Variants in SF3A1 observed in about 807,000 individuals in gnomAD.
SF3A1 encodes the protein splicing factor 3a subunit 1.
SF3A1 carries 13 observed loss-of-function variants against 89.9 expected under a neutral mutation model. That is an observed-to-expected ratio of 0.14 (90% CI 0.09 to 0.23). SF3A1 has a LOEUF of 0.23. SF3A1 is among the 10% of genes least tolerant of loss of function. SF3A1 has a pLI of 1.00. For synonymous variants in SF3A1, 405 were observed against 374.4 expected, an observed-to-expected ratio of 1.08 and a Z score of -0.94; for missense variants, 604 against 1,022.1, an observed-to-expected ratio of 0.59 and a Z score of 5.58.
At chr22:30,346,713 C>T (rs375516900) in intron 2 of SF3A1, among the ~76,000 whole-genome samples, 194 bp from the exon 3 acceptor site, 2 of 152,268 alleles carry the variant, frequency 1.3e-5, no homozygotes, top group African/African-American at 4.8e-5. Context: ...AACCAGGCCA[C>T]CTCTGCCACA....
rs1422046450 is a variant in SF3A1 at position 30,356,858 on chromosome 22, T to TCC, written c.-68_-67dup. ...TGAGCGGTGCCGCCTCAAGACAGCC[T>TCC]CCCCGCTCGGTCAGTACGACGAGCT... On this transcript the variant is annotated 5_prime_UTR_variant, in exon 1 of 16. Coordinates refer to ENST00000215793, the MANE Select transcript of SF3A1 (RefSeq NM_005877.6). 9.6e-6 allele frequency: 12 copies of TCC among 1,243,850 alleles called. No individual in the cohort carries two copies. In the Admixed American group the frequency reaches 5.0e-4, roughly 51 times the overall value. The allele number at this position is 1,243,850 out of a possible 1,614,324, so 77.1% of individuals were successfully genotyped here.
Position 30,346,294 on chromosome 22 carries a change from G to A in SF3A1, c.393+18C>T, listed in dbSNP as rs2145814601. 1 of 1,519,944 alleles carries A rather than the reference G, an allele frequency of 6.6e-7. No individual in the cohort carries two copies. Among genetic ancestry groups the A allele is most frequent in the Non-Finnish European group, 9.1e-7 (1 of 1,094,816 alleles). 94.2% of individuals were successfully genotyped at this position (1,519,944 alleles called of 1,614,324 possible). A position where few individuals can be genotyped will look rare whatever the true frequency, so the allele number is the denominator to read the frequency against. Reference sequence around the variant, plus strand: ...CTCTCAAGCCCTGCGTAAGTGAAGGGGGCACTGGGCTCCAAACCTTCTGGG... The same window carrying A: ...CTCTCAAGCCCTGCGTAAGTGAAGGAGGCACTGGGCTCCAAACCTTCTGGG... On this transcript the variant is annotated intron_variant, in intron 3 of 15. Transcript: ENST00000215793.
intron 11 of SF3A1, among the ~76,000 whole-genome samples, chr22:30,338,316 G>A (rs1010118348): frequency 1.3e-5 from 2 of 152,034 alleles, no homozygotes; most frequent in Non-Finnish European, 2.9e-5. Context: ...AAATTAGCTG[G>A]GCATGGTGGC....
rs1931386616 is a variant in SF3A1 at position 30,345,278 on chromosome 22, C to T, written c.394-88G>A. 5 of 1,281,422 alleles carry T rather than the reference C, an allele frequency of 3.9e-6. No individual in the cohort carries two copies. The Admixed American group carries it at 8.2e-5, about 21-fold the overall frequency. 79.4% of individuals were successfully genotyped at this position (1,281,422 alleles called of 1,614,324 possible). ...GGGGAGGGGACATGGGCATGCACCCCTCAGCAGGATGCTGTGAACCTCTAG... is the reference window on the plus strand; with the variant it reads ...GGGGAGGGGACATGGGCATGCACCCTTCAGCAGGATGCTGTGAACCTCTAG... On this transcript the variant is annotated intron_variant, in intron 3 of 15. Transcript: ENST00000215793.
At position 30,345,083 on chromosome 22, in the gene SF3A1, C is replaced by T. The variant is rs745578341; in HGVS notation, c.501G>A (p.Val167=). 1.9e-6 allele frequency: 3 copies of T among 1,614,134 alleles called. No individual in the cohort carries two copies. The highest frequency in any genetic ancestry group is 2.5e-6 in the Non-Finnish European group (3 of 1,180,058). Residue 167 remains valine (V), a synonymous_variant, in exon 4 of 16, where the codon GTG becomes GTA. Coordinates refer to ENST00000215793, the MANE Select transcript of SF3A1 (RefSeq NM_005877.6). ...PSISAFDLDV[V]KLTAQFVARN... is the part of the protein sequence containing the mutation. ...TGGCCACAAACTGAGCCGTCAGCTT[C>T]ACCACATCCAAGTCGAAGGCTGAGA...
chr22:30,352,076 G>C (rs1479224663), intron 2 of SF3A1, among the ~76,000 whole-genome samples: 1 of 152,012 alleles, frequency 6.6e-6, no homozygotes, highest in Non-Finnish European at 1.5e-5. Flanking sequence ...GGGAGAGACA[G>C]GAGGAACCCG....
chr22:30,340,348 T>G lies in SF3A1; in HGVS notation c.1223A>C (p.Asp408Ala). ...AGTAATGGGGGACACAAGATACTCATCTGGAGCAGGGGCTGGAGGCAAGGG... is the reference window on the plus strand; with the variant it reads ...AGTAATGGGGGACACAAGATACTCAGCTGGAGCAGGGGCTGGAGGCAAGGG... ...SKPLPPAPAP[D>A]EYLVSPITGE... The change falls in exon 9 of 16, where the codon GAT (aspartate) becomes GCT (alanine). Residue 408 changes from aspartate to alanine, a missense_variant. Physicochemically the swap from Asp to Ala is moderately radical, Grantham distance 126. This residue lies in a region of SF3A1 where 146 missense variants were observed against 228.5 expected (regional missense o/e 0.64). Transcript: ENST00000215793. 1.2e-6 allele frequency: 2 copies of G among 1,611,818 alleles called. No homozygotes were observed. Among genetic ancestry groups the G allele is most frequent in the Non-Finnish European group, 1.7e-6 (2 of 1,179,482 alleles).
intron 8 of SF3A1, 32 bp downstream of exon 8, chr22:30,340,663 A>G (rs771301732): frequency 2.2e-6 from 3 of 1,366,616 alleles, no homozygotes; most frequent in Non-Finnish European, 3.1e-6. Flanking sequence ...CTTCCTGGGC[A>G]GCCCGAGGGT....
chr22:30,344,909 C>G (rs1339488022), intron 4 of SF3A1, 24 bp downstream of exon 4: 3 of 1,609,380 alleles, frequency 1.9e-6, no homozygotes, highest in East Asian at 2.2e-5. Flanking sequence ...GGCCCAGGAC[C>G]CCAGCCCCAT....
At chr22:30,352,835 T>C in intron 2 of SF3A1, 116 bp downstream of exon 2, 1 of 1,335,226 alleles carries the variant, frequency 7.5e-7, no homozygotes, top group Non-Finnish European at 1.0e-6. Flanking sequence ...TTGTGGTTTT[T>C]TATGAACTAA....
chr22:30,355,815 T>TCCCCCCCCCCCCCCCCCCCC (rs11451197), intron 1 of SF3A1, among the ~76,000 whole-genome samples: 1 of 92,280 alleles, frequency 1.1e-5, no homozygotes, highest in Non-Finnish European at 2.1e-5. Context: ...TCAGTCATGT[T>TCCCCCCCCCCCCCCCCCCCC]CCCCCCCCCC....
intron 2 of SF3A1, among the ~76,000 whole-genome samples, chr22:30,349,715 G>A (rs1931530053): frequency 6.7e-6 from 1 of 149,236 alleles, no homozygotes; most frequent in Non-Finnish European, 1.5e-5. Flanking sequence ...GCCCCAGGCT[G>A]GAGTACGCTG....
chr22:30,334,630 G>A lies in SF3A1; in HGVS notation c.2346C>T (p.His782=), dbSNP rs758780564. 3.2e-6 allele frequency: 5 copies of A among 1,582,236 alleles called. No homozygotes were observed. The highest frequency in any genetic ancestry group is 3.8e-5 in the Admixed American group (2 of 51,966). Residue 782 remains histidine, a synonymous_variant, in exon 16 of 16, where the codon CAC becomes CAT. Coordinates refer to ENST00000215793, the MANE Select transcript of SF3A1 (RefSeq NM_005877.6). ...TCCCGCCTCTCTCCTTGAGGGCCAG[G>A]TGGATGACTGCGCCATTGGCCATGT... ...YYNMANGAVI[H]LALKERGGRK...
Position 30,332,194 on chromosome 22 carries a change from T to C in SF3A1, c.*2400A>G, listed in dbSNP as rs1278252962. 6.6e-6 allele frequency: 1 copy of C among 152,214 alleles called. No homozygotes were observed. The highest frequency in any genetic ancestry group is 2.4e-5 in the African/African-American group (1 of 41,442). 9.4% of individuals were successfully genotyped at this position (152,214 alleles called of 1,614,324 possible). ...TATAACCATTTAATATATTCTCTAA[T>C]ACAATATTATTAATTTTAAAGTAAA... is the stretch of plus-strand genomic sequence containing the variant. On this transcript the variant is annotated 3_prime_UTR_variant, in exon 16 of 16. Transcript: ENST00000215793.
chr22:30,335,780 C>A, intron 13 of SF3A1, 27 bp from the exon 14 acceptor site: 3 of 1,581,058 alleles, frequency 1.9e-6, no homozygotes, highest in East Asian at 2.2e-5. Context: ...GGTCATTATG[C>A]CTAGGGAGCT....
intron 2 of SF3A1, among the ~76,000 whole-genome samples, chr22:30,348,270 C>A (rs1039199311): frequency 6.6e-6 from 1 of 152,220 alleles, no homozygotes; most frequent in Non-Finnish European, 1.5e-5. Context: ...CCCAAACACA[C>A]CAAGGCATGG....
At chr22:30,336,658 G>A (rs1348419192) in intron 13 of SF3A1, among the ~76,000 whole-genome samples, 2 of 152,158 alleles carry the variant, frequency 1.3e-5, no homozygotes, top group South Asian at 2.1e-4. Context: ...TGGGGAGGAA[G>A]GCCACAGTAA....
chr22:30,345,137 C>T lies in SF3A1; in HGVS notation c.447G>A (p.Glu149=), dbSNP rs200601560. 2.0e-4 allele frequency: 329 copies of T among 1,614,180 alleles called. No individual in the cohort carries two copies. The South Asian group carries it at 3.1e-3, about 15-fold the overall frequency. Reference sequence around the variant, plus strand: ...AGGGAGGATCAGCAATGAACTCAAACTCAGGAGGAGGCTCTTTGGGCACGA... The same window carrying T: ...AGGGAGGATCAGCAATGAACTCAAATTCAGGAGGAGGCTCTTTGGGCACGA... The part of the protein sequence containing the change: ...ETIVPKEPPP[E]FEFIADPPSI... The change falls in exon 4 of 16, where the codon GAG becomes GAA. Residue 149 remains glutamate (E), a synonymous_variant. Coordinates refer to ENST00000215793, the MANE Select transcript of SF3A1 (RefSeq NM_005877.6).
chr22:30,346,530 A>T lies in SF3A1; in HGVS notation c.186-11T>A, dbSNP rs369901235. 1.0e-4 allele frequency: 165 copies of T among 1,613,722 alleles called. No individual in the cohort carries two copies. The highest frequency in any genetic ancestry group is 1.3e-4 in the Non-Finnish European group (156 of 1,179,852). ...AATTCAGGCCCGTTTCTGGAGGAAG[A>T]AAAAACAACAAGAATAAACACCACT... On this transcript the variant is annotated splice_polypyrimidine_tract_variant and intron_variant, in intron 2 of 15. Transcript: ENST00000215793.
Sources: allele counts gnomAD v4.1 joint callset (sites outside exome capture counted in the v4.1 genomes callset), GRCh38; gene constraint gnomAD v4.1.1; regional missense constraint gnomAD v4.1.1; transcripts MANE v1.5; gene names NCBI Gene and HGNC (gene_info 2026-07-23, HGNC 2026-07-21).